Variants in SIM1 observed in about 807,000 individuals in gnomAD.
SIM1 encodes SIM bHLH transcription factor 1.
SIM1 carries 18 observed loss-of-function variants against 78.2 expected under a neutral mutation model. The observed-to-expected ratio is 0.23, with a 90% CI of 0.16 to 0.34. The LOEUF is 0.34. SIM1 is among the 10% of genes least tolerant of loss of function. SIM1 has a pLI of 1.00. For synonymous variants in SIM1, 417 were observed against 385.2 expected (o/e 1.08, Z -0.97); for missense variants, 939 against 975.1 (o/e 0.96, Z 0.49).
At chr6:100,464,423 C>A (rs570343024) in intron 1 of SIM1, among the ~76,000 whole-genome samples, 191 bp downstream of exon 1, 1 of 152,188 alleles carries the variant, frequency 6.6e-6, no homozygotes, top group Admixed American at 6.5e-5. Flanking sequence ...ACTCCCAAGG[C>A]GACCCAGCGC....
chr6:100,420,212 T>C (rs953342917), intron 10 of SIM1, among the ~76,000 whole-genome samples: 2 of 152,168 alleles, frequency 1.3e-5, no homozygotes, highest in Non-Finnish European at 2.9e-5. Context: ...TACCTTGCAG[T>C]GTTTCTGGAA....
Position 100,388,679 on chromosome 6 carries a change from T to C in SIM1, c.*1682A>G, listed in dbSNP as rs978414317. 4 of 152,170 alleles carry C rather than the reference T, an allele frequency of 2.6e-5. No homozygotes were observed. The highest frequency in any genetic ancestry group is 9.7e-5 in the African/African-American group (4 of 41,430). 9.4% of individuals were successfully genotyped at this position (152,170 alleles called of 1,614,324 possible). A position where few individuals can be genotyped will look rare whatever the true frequency, so the allele number is the denominator to read the frequency against. Reference sequence around the variant, plus strand: ...CATGTTCTGTTTCCAAAATTGTAAGTCAAGTTCTGCCAGTACATTCCCTTC... The same window carrying C: ...CATGTTCTGTTTCCAAAATTGTAAGCCAAGTTCTGCCAGTACATTCCCTTC... On this transcript the variant is annotated 3_prime_UTR_variant, in exon 12 of 12. Coordinates refer to ENST00000369208, the MANE Select transcript of SIM1 (RefSeq NM_005068.3).
At chr6:100,429,766 A>G (rs1771853781) in intron 9 of SIM1, among the ~76,000 whole-genome samples, 1 of 152,140 alleles carries the variant, frequency 6.6e-6, no homozygotes, top group South Asian at 2.1e-4. Flanking sequence ...ATTGAGGGAA[A>G]TTTCATGTAC....
intron 2 of SIM1, 33 bp downstream of exon 2, chr6:100,463,261 C>T: frequency 6.3e-7 from 1 of 1,577,696 alleles, no homozygotes; most frequent in Non-Finnish European, 8.7e-7. Flanking sequence ...GCCCCTTCTG[C>T]CTTTGAAATT....
chr6:100,423,854 A>C (rs537286828), intron 9 of SIM1, among the ~76,000 whole-genome samples: 1 of 152,284 alleles, frequency 6.6e-6, no homozygotes, highest in East Asian at 1.9e-4. Flanking sequence ...TGTCAAATGC[A>C]CTTCCGTTCA....
intron 10 of SIM1, among the ~76,000 whole-genome samples, chr6:100,397,744 C>T (rs1298617967): frequency 6.6e-6 from 1 of 151,888 alleles, no homozygotes; most frequent in Non-Finnish European, 1.5e-5. Context: ...AGACAAGCTA[C>T]AGGAAGGGAT....
At chr6:100,450,696 T>TCTCTCTCTCTCACA (rs1421452803) in intron 3 of SIM1, among the ~76,000 whole-genome samples, 1,075 of 91,862 alleles carry the variant, frequency 0.012, 6 homozygotes, top group South Asian at 0.031. Flanking sequence ...TCTCTCTCTC[T>TCTCTCTCTCTCACA]CACACACACA....
At chr6:100,412,180 C>T (rs954037982) in intron 10 of SIM1, among the ~76,000 whole-genome samples, 1 of 152,032 alleles carries the variant, frequency 6.6e-6, no homozygotes, top group Non-Finnish European at 1.5e-5. Flanking sequence ...ATCATCCAGG[C>T]TGAGGGACCT....
chr6:100,444,069 A>G (rs1772288584), intron 9 of SIM1, among the ~76,000 whole-genome samples: 1 of 151,968 alleles, frequency 6.6e-6, no homozygotes, highest in African/African-American at 2.4e-5. Context: ...AAGACTCTTA[A>G]TTTTCTTAGA....
chr6:100,426,633 A>C (rs1391825580), intron 9 of SIM1, among the ~76,000 whole-genome samples: 7 of 152,264 alleles, frequency 4.6e-5, no homozygotes, highest in Admixed American at 4.6e-4. Context: ...ATTTACAAAG[A>C]AATGTGGAAC....
Position 100,420,918 on chromosome 6 carries a change from T to C in SIM1, c.1039A>G (p.Ile347Val). Residue 347 changes from isoleucine (I) to valine (V), a missense_variant, in exon 10 of 12, where the codon ATC (isoleucine) becomes GTC (valine). Physicochemically the swap from Ile to Val is conservative, Grantham distance 29. Transcript: ENST00000369208. ...GAGAAGGCTGGTTTGGAGGCTGAGA[T>C]CTGATCCAGGGAGAGCTGCAGCCCT... is the stretch of plus-strand genomic sequence containing the variant. ...YKGLQLSLDQ[I>V]SASKPAFSYT... 6.2e-7 allele frequency: 1 copy of C among 1,613,958 alleles called. No individual in the cohort carries two copies. The highest frequency in any genetic ancestry group is 8.5e-7 in the Non-Finnish European group (1 of 1,179,968).
At chr6:100,421,201 C>T (rs964668630) in intron 9 of SIM1, among the ~76,000 whole-genome samples, 2 of 152,068 alleles carry the variant, frequency 1.3e-5, no homozygotes, top group African/African-American at 4.8e-5. Context: ...TTCAAATTCT[C>T]TGAACTTCTG....
At chr6:100,454,974 C>T (rs1020175203) in intron 2 of SIM1, among the ~76,000 whole-genome samples, 9 of 152,122 alleles carry the variant, frequency 5.9e-5, no homozygotes, top group African/African-American at 1.9e-4. Flanking sequence ...CATGACCTCC[C>T]CCATCCCACC....
chr6:100,417,598 A>C (rs918208536), intron 10 of SIM1, among the ~76,000 whole-genome samples: 1 of 152,226 alleles, frequency 6.6e-6, no homozygotes, highest in Non-Finnish European at 1.5e-5. Context: ...AATTTTGAGA[A>C]TTTAGAATCC....
At chr6:100,423,257 G>A (rs1486002829) in intron 9 of SIM1, among the ~76,000 whole-genome samples, 1 of 152,162 alleles carries the variant, frequency 6.6e-6, no homozygotes, top group Admixed American at 6.5e-5. Context: ...TCCCTGAATT[G>A]ACTTTAAACT....
chr6:100,404,139 A>T (rs1056814424), intron 10 of SIM1, among the ~76,000 whole-genome samples: 4 of 152,080 alleles, frequency 2.6e-5, no homozygotes, highest in Non-Finnish European at 5.9e-5. Context: ...TCCTCTAATC[A>T]CTCAAACAGT....
chr6:100,429,460 CAAT>C (rs1430581271), intron 9 of SIM1, among the ~76,000 whole-genome samples: 1 of 151,376 alleles, frequency 6.6e-6, no homozygotes, highest in African/African-American at 2.4e-5. Flanking sequence ...GAAGAACCAA[CAAT>C]AATAGAATTA....
At position 100,463,300 on chromosome 6, in the gene SIM1, G is replaced by C; in HGVS notation, c.169C>G (p.Pro57Ala). 6.2e-7 allele frequency: 1 copy of C among 1,609,664 alleles called. No individual in the cohort carries two copies. The highest frequency in any genetic ancestry group is 1.1e-5 in the South Asian group (1 of 90,826). The stretch of plus-strand genomic sequence containing the variant: ...TCTGGGCAAAGTCACTTACCTTCTG[G>C]GAACACCACTCTCATTTTGAGATAG... ...TSYLKMRVVF[P>A]EGLGEAWGHS... The change falls in exon 2 of 12, where the codon CCA (proline) becomes GCA (alanine). Residue 57 changes from proline (P) to alanine (A), a missense_variant. Coordinates refer to ENST00000369208, the MANE Select transcript of SIM1 (RefSeq NM_005068.3).
chr6:100,456,451 T>C (rs961183581), intron 2 of SIM1, among the ~76,000 whole-genome samples: 3 of 152,170 alleles, frequency 2.0e-5, no homozygotes, highest in Non-Finnish European at 4.4e-5. Flanking sequence ...GGGATTACAG[T>C]GGGAACAAGA....
Sources: gnomAD v4.1 joint callset for allele counts (sites outside exome capture counted in the v4.1 genomes callset) on GRCh38, gnomAD v4.1.1 for gene constraint, MANE v1.5 for transcripts, NCBI Gene and HGNC (gene_info 2026-07-23, HGNC 2026-07-21) for gene names.